The following TAF3 variants were observed in gnomAD, a reference collection of about 807,000 sequenced individuals.
The protein encoded by TAF3 is TATA-box binding protein associated factor 3, also known as transcription initiation factor TFIID subunit 3.
In TAF3, 7 loss-of-function variants were observed where a neutral mutation model predicts 80.6. The ratio of observed to expected loss-of-function variants is 0.09; its 90% confidence interval spans 0.05 to 0.16. The LOEUF (loss-of-function observed/expected upper bound fraction) is 0.16, where lower values mean the gene tolerates loss of function less well. Among genes scored for constraint, TAF3 ranks in the 10% least tolerant of loss-of-function variants. The pLI, the probability that TAF3 is intolerant of heterozygous loss-of-function variation, is 1.00. For synonymous variants in TAF3, 444 were observed against 446.1 expected (o/e 1.00, Z 0.06); for missense variants, 921 against 1,140.2 (o/e 0.81, Z 2.77).
chr10:7,935,749 C>T (rs955006793), intron 2 of TAF3, among the ~76,000 whole-genome samples: 3 of 152,092 alleles, frequency 2.0e-5, no homozygotes, highest in African/African-American at 7.2e-5. Flanking sequence ...TGGGGAAGCA[C>T]ATTCCAAAGA....
intron 2 of TAF3, among the ~76,000 whole-genome samples, chr10:7,839,366 C>T (rs1836887384): frequency 6.6e-6 from 1 of 152,198 alleles, no homozygotes; most frequent in South Asian, 2.1e-4. Context: ...CTCCATTTCA[C>T]CATTTTTTTG....
chr10:7,822,538 C>T (rs1836700654), intron 1 of TAF3, among the ~76,000 whole-genome samples: 1 of 151,974 alleles, frequency 6.6e-6, no homozygotes, highest in South Asian at 2.1e-4. Context: ...AAGTCAGTCT[C>T]CTGCTTCCAC....
chr10:7,969,339 G>C (rs1193842616), intron 3 of TAF3, among the ~76,000 whole-genome samples: 1 of 151,900 alleles, frequency 6.6e-6, no homozygotes, highest in African/African-American at 2.4e-5. Flanking sequence ...TCCAATTGCA[G>C]TCACAGCCAT....
At chr10:7,917,359 G>T (rs1222380444) in intron 2 of TAF3, among the ~76,000 whole-genome samples, 4 of 152,192 alleles carry the variant, frequency 2.6e-5, no homozygotes, top group African/African-American at 9.7e-5. Context: ...TCAGGCACGA[G>T]GAACAGCAAG....
chr10:7,946,209 G>T (rs567882308), intron 2 of TAF3, among the ~76,000 whole-genome samples: 2 of 152,258 alleles, frequency 1.3e-5, no homozygotes, highest in African/African-American at 4.8e-5. Flanking sequence ...TCTTTCCCAT[G>T]ATCCATGAAG....
chr10:7,824,943 G>A (rs905359006), intron 2 of TAF3, among the ~76,000 whole-genome samples: 12 of 152,208 alleles, frequency 7.9e-5, no homozygotes, highest in African/African-American at 2.9e-4. Context: ...GCCATGAGTT[G>A]AATGCCATGG....
chr10:7,903,879 G>A (rs1837582544), intron 2 of TAF3, among the ~76,000 whole-genome samples: 1 of 152,026 alleles, frequency 6.6e-6, no homozygotes, highest in Non-Finnish European at 1.5e-5. Context: ...GGGGACATAA[G>A]GGACATAAGA....
intron 2 of TAF3, among the ~76,000 whole-genome samples, chr10:7,925,411 A>G (rs1265254063): frequency 6.6e-6 from 1 of 152,250 alleles, no homozygotes; most frequent in Non-Finnish European, 1.5e-5. Flanking sequence ...CGTCCTGATG[A>G]CAATGGTAAT....
At position 7,981,290 on chromosome 10, in the gene TAF3, C is replaced by T. The variant is rs539693291; in HGVS notation, c.2315+3967C>T. The stretch of plus-strand genomic sequence containing the variant: ...CCATCTATTCACCCACCCTTGCCCT[C>T]GGGCAGTGGGTCCCCCATGCCCAGG... On this transcript the variant is annotated intron_variant, in intron 4 of 6. Coordinates refer to ENST00000344293, the MANE Select transcript of TAF3 (RefSeq NM_031923.4). Among the ~76,000 whole-genome samples the T allele has an allele frequency of 8.5e-5, 13 of 152,286 alleles. No homozygotes were observed. The East Asian group carries it at 1.7e-3, about 20-fold the overall frequency.
At chr10:7,821,828 C>T (rs181185383) in intron 1 of TAF3, among the ~76,000 whole-genome samples, 50 of 152,174 alleles carry the variant, frequency 3.3e-4, no homozygotes, top group African/African-American at 1.2e-3. Flanking sequence ...GATTACTTCA[C>T]AGAAAAGATA....
In TAF3 at chr10:7,965,045, AAACCAAGC is replaced by A; in HGVS notation, c.1536_1543del (p.Lys512AsnfsTer18). The A allele has an allele frequency of 6.2e-7, 1 of 1,614,130 alleles. No homozygotes were observed. ...CCTCTCCACAAGGTGTATGAGGAGA[AAACCAAGC>A]TGCCTTCCTCCGTGGAGGTAAAGAA... On this transcript the variant is annotated frameshift_variant, in exon 3 of 7. Coordinates refer to ENST00000344293, the MANE Select transcript of TAF3 (RefSeq NM_031923.4). LOFTEE classifies it high-confidence loss of function.
intron 2 of TAF3, among the ~76,000 whole-genome samples, chr10:7,888,602 C>T (rs554547660): frequency 1.3e-5 from 2 of 152,302 alleles, no homozygotes; most frequent in South Asian, 2.1e-4. Flanking sequence ...AACAGTTTAT[C>T]CATGCCCAGT....
intron 2 of TAF3, among the ~76,000 whole-genome samples, chr10:7,932,669 ATT>A (rs34907761): frequency 1.2e-3 from 92 of 78,810 alleles, no homozygotes; most frequent in African/African-American, 3.3e-3. Context: ...GTTCCACTTA[ATT>A]TTTTTTTTTT....
intron 2 of TAF3, among the ~76,000 whole-genome samples, chr10:7,859,811 G>T (rs1441523471): frequency 6.6e-6 from 1 of 152,194 alleles, no homozygotes; most frequent in Non-Finnish European, 1.5e-5. Flanking sequence ...TTATAATGGT[G>T]TACAGTGCCT....
At chr10:8,001,874 ATTAT>A (rs1831947874) in intron 4 of TAF3, among the ~76,000 whole-genome samples, 1 of 152,186 alleles carries the variant, frequency 6.6e-6, no homozygotes, top group Non-Finnish European at 1.5e-5. Flanking sequence ...ACATCTGAAA[ATTAT>A]TGTAGACAAT....
At chr10:7,848,712 C>G (rs1836997224) in intron 2 of TAF3, among the ~76,000 whole-genome samples, 1 of 152,144 alleles carries the variant, frequency 6.6e-6, no homozygotes, top group Admixed American at 6.5e-5. Flanking sequence ...AAGGAAGGGG[C>G]AGCTAGAATT....
At chr10:7,935,458 C>T (rs1380443968) in intron 2 of TAF3, among the ~76,000 whole-genome samples, 1 of 151,876 alleles carries the variant, frequency 6.6e-6, no homozygotes, top group Non-Finnish European at 1.5e-5. Flanking sequence ...GTGGCGGGCG[C>T]CTGTAGTCCC....
intron 2 of TAF3, among the ~76,000 whole-genome samples, chr10:7,901,741 G>C (rs1383909581): frequency 6.6e-6 from 1 of 152,154 alleles, no homozygotes; most frequent in Non-Finnish European, 1.5e-5. Flanking sequence ...ATATTAAGAC[G>C]CTTCAGAAAT....
At chr10:7,887,330 T>C (rs1837418078) in intron 2 of TAF3, among the ~76,000 whole-genome samples, 1 of 152,164 alleles carries the variant, frequency 6.6e-6, no homozygotes. Flanking sequence ...GAAGGGGTTG[T>C]TGTGTACAAT....
Sources: allele counts gnomAD v4.1 joint callset (sites outside exome capture counted in the v4.1 genomes callset), GRCh38; gene constraint gnomAD v4.1.1; transcripts MANE v1.5; gene names NCBI Gene and HGNC (gene_info 2026-07-23, HGNC 2026-07-21).